Variants in DLG2 observed in about 807,000 individuals in gnomAD.
The protein encoded by DLG2 is discs large MAGUK scaffold protein 2.
Under a neutral mutation model 132.5 loss-of-function variants are expected in DLG2, and 45 were observed. The ratio of observed to expected loss-of-function variants is 0.34; its 90% CI spans 0.27 to 0.44. DLG2 has a LOEUF of 0.44. DLG2 is among the 20% of genes least tolerant of loss of function. DLG2 has a pLI of 1.00. For missense variants in DLG2, 1,045 were observed against 1,196.9 expected (o/e 0.87, Z 1.87); for synonymous variants, 424 against 419.6 (o/e 1.01, Z -0.13).
chr11:84,702,902 G>C (rs1355011074), intron 6 of DLG2, among the ~76,000 whole-genome samples: 1 of 151,504 alleles, frequency 6.6e-6, no homozygotes, highest in Non-Finnish European at 1.5e-5. Flanking sequence ...ATAAATACTT[G>C]TTAAAAAGCT....
intron 3 of DLG2, among the ~76,000 whole-genome samples, chr11:85,524,416 A>C (rs144474029): frequency 4.2e-4 from 64 of 152,292 alleles, no homozygotes; most frequent in African/African-American, 1.5e-3. Flanking sequence ...ATAAATAAAA[A>C]TGAAAATTTT....
chr11:83,527,446 G>A (rs1352683824), intron 21 of DLG2, among the ~76,000 whole-genome samples: 1 of 152,062 alleles, frequency 6.6e-6, no homozygotes, highest in African/African-American at 2.4e-5. Flanking sequence ...TGTATGCCGG[G>A]CATTGTGGGA....
intron 3 of DLG2, among the ~76,000 whole-genome samples, chr11:85,507,919 T>A (rs941454902): frequency 3.1e-4 from 47 of 152,176 alleles, no homozygotes; most frequent in Admixed American, 3.0e-3. Context: ...TCACTCTTTT[T>A]TCTCTAAACT....
At chr11:84,627,828 G>A (rs183931470) in intron 6 of DLG2, among the ~76,000 whole-genome samples, 11 of 152,086 alleles carry the variant, frequency 7.2e-5, no homozygotes, top group Admixed American at 2.0e-4. Context: ...AAGAGAAAGC[G>A]GTGGGAGGAG....
chr11:84,560,711 T>A (rs543276008), intron 6 of DLG2, among the ~76,000 whole-genome samples: 1 of 152,196 alleles, frequency 6.6e-6, no homozygotes, highest in Non-Finnish European at 1.5e-5. Flanking sequence ...AGCTTTTAAG[T>A]TAATTTATGT....
intron 8 of DLG2, among the ~76,000 whole-genome samples, chr11:84,213,877 A>T (rs1460827188): frequency 6.6e-6 from 1 of 151,066 alleles, no homozygotes; most frequent in Non-Finnish European, 1.5e-5. Flanking sequence ...TAATTCCTAT[A>T]CACAATAAAG....
At chr11:84,158,694 T>C (rs1394344195) in intron 9 of DLG2, among the ~76,000 whole-genome samples, 2 of 152,178 alleles carry the variant, frequency 1.3e-5, no homozygotes, top group Non-Finnish European at 2.9e-5. Flanking sequence ...AAGCTGTAAA[T>C]GCACGTGGCA....
At chr11:85,301,915 T>G (rs906564935) in intron 3 of DLG2, among the ~76,000 whole-genome samples, 3 of 152,218 alleles carry the variant, frequency 2.0e-5, no homozygotes, top group African/African-American at 7.2e-5. Context: ...TGTCATAAAA[T>G]TGATTCATTT....
At chr11:84,911,783 A>G (rs1275160005) in intron 6 of DLG2, among the ~76,000 whole-genome samples, 2 of 152,208 alleles carry the variant, frequency 1.3e-5, no homozygotes, top group Non-Finnish European at 2.9e-5. Context: ...TCTTTTCAGG[A>G]TTAGTGACCT....
At chr11:85,367,296 C>T (rs1041522486) in intron 3 of DLG2, among the ~76,000 whole-genome samples, 2 of 152,116 alleles carry the variant, frequency 1.3e-5, no homozygotes, top group African/African-American at 4.8e-5. Context: ...GGATCCAAAT[C>T]ATAATTCACT....
chr11:84,857,455 A>G (rs2082945346), intron 6 of DLG2, among the ~76,000 whole-genome samples: 1 of 152,024 alleles, frequency 6.6e-6, no homozygotes, highest in Admixed American at 6.6e-5. Context: ...GGAAACTAGT[A>G]TGTTTCAAAG....
At chr11:84,969,491 A>T (rs1227823773) in intron 6 of DLG2, among the ~76,000 whole-genome samples, 1 of 152,182 alleles carries the variant, frequency 6.6e-6, no homozygotes, top group Non-Finnish European at 1.5e-5. Context: ...TTTTTTGGAA[A>T]ATCTCCATCA....
chr11:84,366,230 G>A (rs61897668), intron 7 of DLG2, among the ~76,000 whole-genome samples: 11,492 of 151,912 alleles, frequency 0.076, 521 homozygotes, highest in South Asian at 0.15. Flanking sequence ...ATAAGTGAAG[G>A]AGAAATAAAA....
At chr11:84,354,358 G>T (rs1280678738) in intron 7 of DLG2, among the ~76,000 whole-genome samples, 5 of 151,984 alleles carry the variant, frequency 3.3e-5, no homozygotes, top group African/African-American at 1.2e-4. Flanking sequence ...CAATAAATTT[G>T]CATTAGTAAA....
chr11:83,705,163 T>C (rs2083692977), intron 18 of DLG2, among the ~76,000 whole-genome samples: 1 of 152,244 alleles, frequency 6.6e-6, no homozygotes. Flanking sequence ...GGGAATTAGC[T>C]GCAGCTCTGT....
At chr11:84,586,164 A>AC (rs1291990740) in intron 6 of DLG2, among the ~76,000 whole-genome samples, 4 of 130,388 alleles carry the variant, frequency 3.1e-5, no homozygotes, top group African/African-American at 1.5e-4. Flanking sequence ...AAAAAAAAAA[A>AC]AGGGTTTGTA....
At chr11:83,560,821 A>C (rs1256724685) in intron 19 of DLG2, among the ~76,000 whole-genome samples, 2 of 141,808 alleles carry the variant, frequency 1.4e-5, no homozygotes, top group Non-Finnish European at 3.0e-5. Context: ...ACTATACTTA[A>C]GAATAAGTCC....
chr11:84,965,990 T>C (rs892386774), intron 6 of DLG2, among the ~76,000 whole-genome samples: 1 of 152,088 alleles, frequency 6.6e-6, no homozygotes, highest in East Asian at 1.9e-4. Context: ...GGATAATATA[T>C]CTTCTTCGAA....
intron 19 of DLG2, among the ~76,000 whole-genome samples, chr11:83,562,688 A>C (rs1012459136): frequency 2.6e-5 from 4 of 152,192 alleles, no homozygotes; most frequent in Admixed American, 2.0e-4. Context: ...CTGTGTTTTC[A>C]GTATATTGAA....
Sources: gnomAD v4.1 joint callset for allele counts (sites outside exome capture counted in the v4.1 genomes callset) on GRCh38, gnomAD v4.1.1 for gene constraint, MANE v1.5 for transcripts, NCBI Gene and HGNC (gene_info 2026-07-23, HGNC 2026-07-21) for gene names.